Variants in PRDM1 observed in about 807,000 individuals in gnomAD.
PRDM1 encodes the protein PR/SET domain 1.
PRDM1 carries 13 observed loss-of-function variants against 62.8 expected under a neutral mutation model. That is an observed-to-expected ratio of 0.21 (90% CI 0.13 to 0.33). PRDM1 has a LOEUF of 0.33. PRDM1 is among the 10% of genes least tolerant of loss of function. The pLI, the probability that PRDM1 is intolerant of heterozygous loss-of-function variation, is 1.00. For missense variants in PRDM1, 895 were observed against 1,058.8 expected (o/e 0.85, Z 2.15); for synonymous variants, 396 against 417.6 (o/e 0.95, Z 0.63).
rs1366312861 is a variant in PRDM1 at position 106,103,063 on chromosome 6, A to G, written c.665-1762A>G. On this transcript the variant is annotated intron_variant, in intron 4 of 6. Transcript: ENST00000369096. ...ACTGAAAGACCGATATTGGCCTGAT[A>G]AGGAGATATTTATTTTGTTTTAGTG... 2.6e-5 allele frequency among the ~76,000 whole-genome samples: 4 copies of G among 152,256 alleles called. No individual in the cohort carries two copies. The South Asian group carries it at 8.3e-4, about 32-fold the overall frequency.
In PRDM1 at chr6:106,079,900, T is replaced by A. The variant is rs190693877; in HGVS notation, c.-66-8301T>A. ...AAAGGACAGGTTATTAACCACTCTT[T>A]AGGCTATTGAGCAGGGAAGAGTGGG... is the stretch of plus-strand genomic sequence containing the variant. On this transcript the variant is annotated intron_variant, in intron 1 of 6. Coordinates refer to the PRDM1 transcript ENST00000651185. Among the ~76,000 whole-genome samples the A allele has an allele frequency of 2.4e-4, 36 of 152,342 alleles. No individual in the cohort carries two copies. In the South Asian group the frequency reaches 7.0e-3, roughly 30 times the overall value.
chr6:106,073,417 A>C (rs1237284201), intron 1 of PRDM1, among the ~76,000 whole-genome samples: 1 of 152,020 alleles, frequency 6.6e-6, no homozygotes, highest in Non-Finnish European at 1.5e-5. Flanking sequence ...ACCCGGCCTC[A>C]ATTTCCTTTT....
chr6:106,094,922 C>T (rs970673523), intron 2 of PRDM1, among the ~76,000 whole-genome samples: 2 of 151,692 alleles, frequency 1.3e-5, no homozygotes, highest in Non-Finnish European at 2.9e-5. Flanking sequence ...CACACACACA[C>T]ACACACACAC....
chr6:106,077,504 A>G (rs1773622934), intron 1 of PRDM1, among the ~76,000 whole-genome samples: 1 of 152,252 alleles, frequency 6.6e-6, no homozygotes, highest in African/African-American at 2.4e-5. Context: ...TAGCACTGTC[A>G]CCATCACCCA....
intron 1 of PRDM1, among the ~76,000 whole-genome samples, chr6:106,032,523 C>T (rs901988946): frequency 4.6e-5 from 7 of 151,892 alleles, no homozygotes; most frequent in African/African-American, 7.3e-5. Context: ...CTGCAACCTC[C>T]GCCTCCTGGG....
chr6:106,093,653 T>G (rs1296026051), intron 2 of PRDM1, among the ~76,000 whole-genome samples: 2 of 152,216 alleles, frequency 1.3e-5, no homozygotes, highest in Non-Finnish European at 2.9e-5. Context: ...AGCCTCTGAA[T>G]AAGTCTACTA....
intron 1 of PRDM1, among the ~76,000 whole-genome samples, chr6:106,053,842 C>G (rs1030952946): frequency 1.7e-4 from 25 of 151,164 alleles, no homozygotes; most frequent in Admixed American, 1.6e-3. Context: ...CTCCACCCCC[C>G]ACAATGTATA....
intron 1 of PRDM1, among the ~76,000 whole-genome samples, chr6:106,058,065 T>G (rs892107352): frequency 6.6e-6 from 1 of 152,218 alleles, no homozygotes; most frequent in African/African-American, 2.4e-5. Context: ...TGGCCTATTC[T>G]TACATTACAT....
At chr6:106,093,550 AAT>A (rs1384478215) in intron 2 of PRDM1, among the ~76,000 whole-genome samples, 4 of 152,212 alleles carry the variant, frequency 2.6e-5, no homozygotes, top group African/African-American at 9.7e-5. Context: ...TAATCACTGA[AAT>A]ATGAATGTTA....
intron 3 of PRDM1, chr6:106,098,869 C>T (rs1437179930): frequency 2.0e-6 from 3 of 1,513,382 alleles, no homozygotes; most frequent in South Asian, 1.3e-5. Flanking sequence ...CTCAGTTTGA[C>T]GTCGTCAGCC....
At chr6:106,052,533 G>A (rs1344014817) in intron 1 of PRDM1, among the ~76,000 whole-genome samples, 2 of 152,064 alleles carry the variant, frequency 1.3e-5, no homozygotes, top group African/African-American at 2.4e-5. Context: ...TGTGGCATAG[G>A]AAAATATCTA....
chr6:106,089,729 T>C (rs1773910521), intron 2 of PRDM1, among the ~76,000 whole-genome samples: 1 of 152,244 alleles, frequency 6.6e-6, no homozygotes, highest in Admixed American at 6.5e-5. Flanking sequence ...GTAATGCTCT[T>C]CTTATAGAAA....
At chr6:106,032,021 T>A (rs1562148803) in intron 1 of PRDM1, among the ~76,000 whole-genome samples, 1 of 152,200 alleles carries the variant, frequency 6.6e-6, no homozygotes, top group Non-Finnish European at 1.5e-5. Flanking sequence ...GTATATGTTG[T>A]GACTCAGTTG....
chr6:106,039,929 T>G (rs1028632417), intron 1 of PRDM1, among the ~76,000 whole-genome samples: 1 of 152,230 alleles, frequency 6.6e-6, no homozygotes, highest in Non-Finnish European at 1.5e-5. Flanking sequence ...CTAGTAAAGG[T>G]TTGCCAGTGA....
chr6:106,034,497 T>C, intron 1 of PRDM1, among the ~76,000 whole-genome samples: 1 of 152,058 alleles, frequency 6.6e-6, no homozygotes, highest in East Asian at 1.9e-4. Context: ...TTTTGATTTC[T>C]TCTTTTATTA....
chr6:106,082,422 T>G (rs1356410760), upstream of PRDM1, among the ~76,000 whole-genome samples: 1 of 152,242 alleles, frequency 6.6e-6, no homozygotes, highest in East Asian at 1.9e-4. Context: ...ATTGCTATTA[T>G]CATTTATTAA....
chr6:106,038,472 A>G (rs996062843), intron 1 of PRDM1, among the ~76,000 whole-genome samples: 6 of 152,046 alleles, frequency 3.9e-5, no homozygotes, highest in African/African-American at 1.4e-4. Flanking sequence ...CTATTTTTTA[A>G]TGTCTGGCTC....
chr6:106,043,913 T>C (rs1442717920), upstream of PRDM1, among the ~76,000 whole-genome samples: 1 of 152,224 alleles, frequency 6.6e-6, no homozygotes, highest in East Asian at 1.9e-4. Context: ...CTTAATCTTA[T>C]GAAATGGGTT....
Position 106,088,388 on chromosome 6 carries a change from T to C in PRDM1, c.230T>C (p.Val77Ala), listed in dbSNP as rs147363823. Residue 77 changes from valine to alanine, a missense_variant, in exon 2 of 7, where the codon GTT becomes GCT. Physicochemically the swap from Val to Ala is moderately conservative, Grantham distance 64 (BLOSUM62 0). This residue lies in a region of PRDM1 where 213 missense variants were observed against 283.9 expected (regional missense o/e 0.75). Transcript: ENST00000369096. The part of the protein sequence containing the change: ...WDSGADGGTS[V>A]QAEASLPRNL... ...TCTGGTGCTGATGGCGGTACTTCGGTTCAGGCGGAGGCATCCTTACCAAGG... is the reference window on the plus strand; with the variant it reads ...TCTGGTGCTGATGGCGGTACTTCGGCTCAGGCGGAGGCATCCTTACCAAGG... The C allele has an allele frequency of 4.3e-5, 70 of 1,614,056 alleles. No homozygotes were observed. In the African/African-American group the frequency reaches 5.9e-4, roughly 14 times the overall value.
Sources: allele counts gnomAD v4.1 joint callset (sites outside exome capture counted in the v4.1 genomes callset), GRCh38; gene constraint gnomAD v4.1.1; regional missense constraint gnomAD v4.1.1; transcripts MANE v1.5; gene names NCBI Gene and HGNC (gene_info 2026-07-23, HGNC 2026-07-21).